CNTN6: variants seen among roughly 807,000 people sequenced by gnomAD.
CNTN6 encodes the protein contactin-6.
In CNTN6, 137 loss-of-function variants were observed where a neutral mutation model predicts 122.8. That is an observed-to-expected ratio of 1.12 (90% CI 0.97 to 1.29). The LOEUF (loss-of-function observed/expected upper bound fraction) is 1.29. CNTN6 is among the 50% of genes most tolerant of loss of function. The pLI, the probability that CNTN6 is intolerant of heterozygous loss-of-function variation, is 0.00. For missense variants in CNTN6, 1,634 were observed against 1,223.4 expected, an observed-to-expected ratio of 1.34 and a Z score of -5.01; for synonymous variants, 570 against 426.0, an observed-to-expected ratio of 1.34 and a Z score of -4.16.
chr3:1,370,540 C>A (rs1708863630), intron 12 of CNTN6, among the ~76,000 whole-genome samples: 1 of 152,028 alleles, frequency 6.6e-6, no homozygotes, highest in Non-Finnish European at 1.5e-5. Flanking sequence ...TCTCCTTAGA[C>A]AAAATTAGAA....
chr3:1,388,994 A>ATATT (rs1366873635), intron 20 of CNTN6, among the ~76,000 whole-genome samples: 10 of 145,064 alleles, frequency 6.9e-5, no homozygotes, highest in African/African-American at 2.6e-4. Context: ...ACTCTGCAGG[A>ATATT]TATTATCCAG....
intron 4 of CNTN6, among the ~76,000 whole-genome samples, chr3:1,239,782 G>A (rs544599090): frequency 3.3e-5 from 5 of 152,270 alleles, no homozygotes; most frequent in African/African-American, 1.2e-4. Flanking sequence ...TTTTCTCTGA[G>A]GCCATAGTCA....
At chr3:1,103,097 C>T (rs1473995618) in intron 1 of CNTN6, among the ~76,000 whole-genome samples, 2 of 152,022 alleles carry the variant, frequency 1.3e-5, no homozygotes, top group Admixed American at 1.3e-4. Context: ...CAGAGCCAGA[C>T]TCCGTCTCAA....
chr3:1,288,011 T>C (rs984580846), intron 5 of CNTN6, among the ~76,000 whole-genome samples: 5 of 152,162 alleles, frequency 3.3e-5, no homozygotes, highest in African/African-American at 1.2e-4. Flanking sequence ...GGCTCGGTCT[T>C]GAATCCCTTC....
At chr3:1,236,105 C>G (rs1476215427) in intron 4 of CNTN6, among the ~76,000 whole-genome samples, 6 of 152,066 alleles carry the variant, frequency 3.9e-5, no homozygotes, top group Admixed American at 1.3e-4. Context: ...TTATCCCTAT[C>G]CCAGTCTGGT....
intron 4 of CNTN6, among the ~76,000 whole-genome samples, chr3:1,236,557 C>G (rs1041604156): frequency 1.3e-5 from 2 of 152,122 alleles, no homozygotes; most frequent in African/African-American, 2.4e-5. Context: ...AGGGAGCACC[C>G]CATGGGACAA....
chr3:1,310,690 A>G (rs983850025), intron 7 of CNTN6, among the ~76,000 whole-genome samples: 7 of 152,202 alleles, frequency 4.6e-5, no homozygotes, highest in African/African-American at 1.7e-4. Context: ...TACATAAAGA[A>G]GAAATGTATG....
intron 5 of CNTN6, among the ~76,000 whole-genome samples, chr3:1,285,847 C>G (rs1694241216): frequency 6.6e-6 from 1 of 152,154 alleles, no homozygotes; most frequent in African/African-American, 2.4e-5. Context: ...AACAAGAGTT[C>G]TTTACTCTAC....
At chr3:1,148,669 A>G (rs1334222154) in intron 2 of CNTN6, among the ~76,000 whole-genome samples, 3 of 152,168 alleles carry the variant, frequency 2.0e-5, no homozygotes, top group African/African-American at 7.2e-5. Context: ...TTGCTTTGTA[A>G]TAAGCCACGC....
At chr3:1,206,139 G>A (rs144180430) in intron 2 of CNTN6, among the ~76,000 whole-genome samples, 5 of 151,906 alleles carry the variant, frequency 3.3e-5, no homozygotes, top group Non-Finnish European at 7.4e-5. Flanking sequence ...TGAAATTTTC[G>A]CAAGTTTTCC....
At chr3:1,164,477 C>T (rs951681901) in intron 2 of CNTN6, among the ~76,000 whole-genome samples, 2 of 151,794 alleles carry the variant, frequency 1.3e-5, no homozygotes, top group Non-Finnish European at 3.0e-5. Flanking sequence ...GTTTTGCTTT[C>T]CTGATTGAAC....
At chr3:1,395,184 ATTT>A (rs1694833894) in intron 20 of CNTN6, among the ~76,000 whole-genome samples, 1 of 152,154 alleles carries the variant, frequency 6.6e-6, no homozygotes, top group South Asian at 2.1e-4. Flanking sequence ...CCAACCTCTC[ATTT>A]TATTACTTTG....
intron 10 of CNTN6, among the ~76,000 whole-genome samples, 171 bp from the exon 11 acceptor site, chr3:1,329,614 A>T (rs938522024): frequency 1.3e-5 from 2 of 151,880 alleles, no homozygotes; most frequent in Admixed American, 6.6e-5. Context: ...AACAAAACAT[A>T]AACTCTAAAA....
chr3:1,382,516 ATG>A (rs1692055750), intron 17 of CNTN6, among the ~76,000 whole-genome samples: 1 of 152,144 alleles, frequency 6.6e-6, no homozygotes. Context: ...TCCATTACAC[ATG>A]TCTTACAAAA....
At chr3:1,172,620 C>CTCTCTCTGTG (rs762907787) in intron 2 of CNTN6, among the ~76,000 whole-genome samples, 4 of 150,180 alleles carry the variant, frequency 2.7e-5, no homozygotes, top group African/African-American at 9.8e-5. Context: ...CAATAACTCT[C>CTCTCTCTGTG]TGTGTGTGTG....
chr3:1,128,489 C>CTA (rs1169088876), intron 1 of CNTN6: 3 of 152,006 alleles, frequency 2.0e-5, no homozygotes, highest in Admixed American at 6.6e-5. Flanking sequence ...TGTCAAAGAG[C>CTA]TAACACTCAA....
chr3:1,336,045 G>C (rs777830898), intron 11 of CNTN6, among the ~76,000 whole-genome samples: 1 of 104,450 alleles, frequency 9.6e-6, no homozygotes, highest in Non-Finnish European at 2.4e-5. Context: ...GGGAGACCCT[G>C]TTTCAAACAA....
chr3:1,261,918 G>A (rs182134940), intron 4 of CNTN6, among the ~76,000 whole-genome samples: 69 of 152,200 alleles, frequency 4.5e-4, no homozygotes, highest in Admixed American at 2.4e-3. Flanking sequence ...CGTATACTTG[G>A]CCCTAGTATT....
intron 2 of CNTN6, among the ~76,000 whole-genome samples, chr3:1,155,303 C>T (rs1038363016): frequency 1.3e-5 from 2 of 152,104 alleles, no homozygotes; most frequent in African/African-American, 2.4e-5. Flanking sequence ...ACGCATGGTA[C>T]GCACTCAATA....
Sources: allele counts gnomAD v4.1 joint callset (sites outside exome capture counted in the v4.1 genomes callset), GRCh38; gene constraint gnomAD v4.1.1; transcripts MANE v1.5; gene names NCBI Gene and HGNC (gene_info 2026-07-23, HGNC 2026-07-21).